The following DNAAF6 variants were observed in gnomAD, a reference collection of about 807,000 sequenced individuals.
DNAAF6 encodes the protein dynein axonemal assembly factor 6, also known as PIH1 domain containing 3.
A neutral mutation model predicts 13.7 loss-of-function variants in DNAAF6; 3 were observed. The ratio of observed to expected loss-of-function variants is 0.22; its 90% CI spans 0.10 to 0.56. DNAAF6 has a LOEUF of 0.56. DNAAF6 is among the 20% of genes least tolerant of loss of function. DNAAF6 has a pLI of 0.92. For synonymous variants in DNAAF6, 54 were observed against 49.2 expected, an observed-to-expected ratio of 1.10 and a Z score of -0.41; for missense variants, 130 against 151.0, an observed-to-expected ratio of 0.86 and a Z score of 0.73.
chrX:107,211,279 G>A (rs1406340044), intron 1 of DNAAF6, among the ~76,000 whole-genome samples: 1 of 111,164 alleles, frequency 9.0e-6, no homozygotes. Context: ...CAAAATATTT[G>A]GGATTCTTTT....
intron 5 of DNAAF6, among the ~76,000 whole-genome samples, chrX:107,234,016 G>A (rs772232889): frequency 9.0e-6 from 1 of 111,725 alleles, no homozygotes; most frequent in Non-Finnish European, 1.9e-5. Context: ...GACAGGTAGT[G>A]GTGGTGAGGC....
chrX:107,209,403 TAAAC>T (rs1303506685), intron 1 of DNAAF6, among the ~76,000 whole-genome samples: 10 of 112,278 alleles, frequency 8.9e-5, no homozygotes, highest in Non-Finnish European at 1.9e-4. Context: ...TCTATTTACT[TAAAC>T]AAGTTCCAAA....
intron 2 of DNAAF6, among the ~76,000 whole-genome samples, chrX:107,214,025 C>G (rs1053947909): frequency 9.0e-6 from 1 of 111,259 alleles, no homozygotes; most frequent in African/African-American, 3.3e-5. Flanking sequence ...GAGCTACCAC[C>G]CTAAGGAAGA....
intron 5 of DNAAF6, among the ~76,000 whole-genome samples, chrX:107,228,679 G>C (rs900727645): frequency 9.0e-6 from 1 of 111,225 alleles, no homozygotes; most frequent in Admixed American, 9.5e-5. Flanking sequence ...GTAGTGGCTT[G>C]ATCTCAGTTC....
intron 1 of DNAAF6, among the ~76,000 whole-genome samples, chrX:107,209,622 C>T (rs1192360068): frequency 9.0e-6 from 1 of 111,329 alleles, no homozygotes; most frequent in African/African-American, 3.3e-5. Context: ...TTAGTAGAGT[C>T]GGGGTATCGC....
At chrX:107,223,718 T>C (rs1458453445) in intron 5 of DNAAF6, among the ~76,000 whole-genome samples, 1 of 111,586 alleles carries the variant, frequency 9.0e-6, no homozygotes, top group East Asian at 2.8e-4. Flanking sequence ...AAATGGAATT[T>C]CTCTTTTGCA....
intron 5 of DNAAF6, among the ~76,000 whole-genome samples, chrX:107,233,374 G>A (rs1928452899): frequency 9.0e-6 from 1 of 111,105 alleles, no homozygotes; most frequent in Non-Finnish European, 1.9e-5. Context: ...TCTACTCTTA[G>A]AAGAGTTCCA....
At chrX:107,216,773 A>T in intron 3 of DNAAF6, 30 bp downstream of exon 3, 1 of 1,040,671 alleles carries the variant, frequency 9.6e-7, no homozygotes, top group Non-Finnish European at 1.3e-6. Flanking sequence ...AATATAGATC[A>T]ATATAATCTT....
At chrX:107,219,041 T>C (rs1928061869) in intron 4 of DNAAF6, 72 bp downstream of exon 4, 1 of 1,053,513 alleles carries the variant, frequency 9.5e-7, no homozygotes, top group Non-Finnish European at 1.2e-6. Context: ...ATTTTACTTT[T>C]TACAAGATTC....
chrX:107,234,651 A>C (rs752678966), intron 5 of DNAAF6, among the ~76,000 whole-genome samples: 1 of 112,198 alleles, frequency 8.9e-6, no homozygotes, highest in East Asian at 2.8e-4. Context: ...AAATAAATTA[A>C]TTTAGAATAT....
intron 5 of DNAAF6, among the ~76,000 whole-genome samples, chrX:107,229,127 CTTT>C (rs768372176): frequency 2.9e-4 from 15 of 51,587 alleles, no homozygotes; most frequent in African/African-American, 1.6e-3. Flanking sequence ...GTTGACTACT[CTTT>C]TTTTTTTTTT....
At chrX:107,231,894 G>T (rs1490699652) in intron 5 of DNAAF6, among the ~76,000 whole-genome samples, 1 of 111,257 alleles carries the variant, frequency 9.0e-6, no homozygotes, top group East Asian at 2.8e-4. Context: ...GTCTCACTCT[G>T]TTGCCCAGGC....
intron 3 of DNAAF6, 84 bp from the exon 4 acceptor site, chrX:107,218,780 C>T (rs1422700114): frequency 5.3e-6 from 5 of 952,233 alleles, no homozygotes; most frequent in Non-Finnish European, 7.2e-6. Context: ...TTCAATGAAC[C>T]CAAACTGAGT....
intron 1 of DNAAF6, chrX:107,207,170 A>G (rs1927724436): frequency 9.0e-6 from 1 of 111,669 alleles, no homozygotes; most frequent in African/African-American, 3.3e-5. Context: ...CTGGCCTAGC[A>G]TGCCTTGGTT....
At chrX:107,233,705 C>T (rs184217938) in intron 5 of DNAAF6, among the ~76,000 whole-genome samples, 6 of 109,486 alleles carry the variant, frequency 5.5e-5, no homozygotes, top group African/African-American at 1.3e-4. Context: ...AAAAAACTGG[C>T]GCCAACTGAG....
chrX:107,207,684 C>A (rs995553718), intron 1 of DNAAF6, among the ~76,000 whole-genome samples: 1 of 112,197 alleles, frequency 8.9e-6, no homozygotes. Context: ...GTAATCCCAG[C>A]ACTTTGGGAG....
At position 107,243,281 on chromosome X, in the gene DNAAF6, A is replaced by G. The variant is rs1245270937; in HGVS notation, c.628A>G (p.Ile210Val). The G allele has an allele frequency of 4.2e-6, 5 of 1,200,513 alleles. No homozygotes were observed. Among genetic ancestry groups the G allele is most frequent in the Non-Finnish European group, 5.6e-6 (5 of 892,158 alleles). ...TATGACTATGAAAAGAGAGTTAGAT[A>G]TTGCTAATTTCTTCTGAAACTGCAT... ...ITMTMKRELD[I>V]ANFF The change falls in exon 7 of 7, where the codon ATT (isoleucine) becomes GTT (valine). Residue 210 changes from isoleucine to valine, a missense_variant. By Grantham distance (29) the Ile-to-Val change is conservative. Coordinates refer to ENST00000372453, the MANE Select transcript of DNAAF6 (RefSeq NM_173494.2).
At chrX:107,220,940 TTTCTTTCTTTCTTTC>T (rs1259115255) in intron 4 of DNAAF6, among the ~76,000 whole-genome samples, 2 of 69,250 alleles carry the variant, frequency 2.9e-5, no homozygotes, top group Non-Finnish European at 2.7e-5. Flanking sequence ...TCTTTCTTTC[TTTCTTTCTTTCTTTC>T]TTTTTCTTTC....
rs1358331637 is a variant in DNAAF6 at position 107,218,955 on chromosome X, T to C, written c.318T>C (p.Val106=). The C allele has an allele frequency of 7.6e-6, 9 of 1,178,630 alleles. No individual in the cohort carries two copies. In the Admixed American group the frequency reaches 2.1e-4, roughly 28 times the overall value. ...CAGAATATGATGATATGTGGGATGT[T>C]AGAGAAATCCCAGAGTAAGTCAAAT... ...EGAEYDDMWD[V]REIPEYEIIF... is the part of the protein sequence containing the mutation. The change falls in exon 4 of 7, where the codon GTT becomes GTC. Residue 106 remains valine, a synonymous_variant. Coordinates refer to ENST00000372453, the MANE Select transcript of DNAAF6 (RefSeq NM_173494.2).
Sources: gnomAD v4.1 joint callset for allele counts (sites outside exome capture counted in the v4.1 genomes callset) on GRCh38, gnomAD v4.1.1 for gene constraint, MANE v1.5 for transcripts, NCBI Gene and HGNC (gene_info 2026-07-23, HGNC 2026-07-21) for gene names.